CRYZL1: variants seen among roughly 807,000 people sequenced by gnomAD.
CRYZL1 encodes crystallin zeta like 1, also known as ferry endosomal RAB5 effector complex subunit 4.
A neutral mutation model predicts 50.6 loss-of-function variants in CRYZL1; 34 were observed. That is an observed-to-expected ratio of 0.67 (90% confidence interval 0.51 to 0.89). CRYZL1 has a LOEUF of 0.89. Among genes scored for constraint, CRYZL1 ranks in the 40% least tolerant of loss-of-function variants. CRYZL1 has a pLI of 0.00. For synonymous variants in CRYZL1, 125 were observed against 134.3 expected (o/e 0.93, Z 0.48); for missense variants, 354 against 402.3 (o/e 0.88, Z 1.03).
chr21:33,593,308 A>G (rs909350469), intron 11 of CRYZL1, among the ~76,000 whole-genome samples: 3 of 152,046 alleles, frequency 2.0e-5, no homozygotes, highest in East Asian at 2.0e-4. Context: ...GGGTTTCACC[A>G]TGTTCGCCAG....
At chr21:33,605,427 G>A (rs912829775) in intron 6 of CRYZL1, among the ~76,000 whole-genome samples, 4 of 151,554 alleles carry the variant, frequency 2.6e-5, no homozygotes, top group East Asian at 1.9e-4. Flanking sequence ...AAAAAGTTCC[G>A]CATGATCTGA....
At chr21:33,613,437 TACA>T in intron 6 of CRYZL1, 98 bp downstream of exon 6, 2 of 792,288 alleles carry the variant, frequency 2.5e-6, no homozygotes, top group African/African-American at 1.7e-5. Context: ...CTTTATTAAG[TACA>T]ACACTTATGG....
At chr21:33,599,011 T>A (rs562078180) in intron 9 of CRYZL1, 139 bp downstream of exon 9, 10 of 700,320 alleles carry the variant, frequency 1.4e-5, no homozygotes, top group South Asian at 3.9e-5. Flanking sequence ...AATTAAAAAG[T>A]CTTCAGTTAA....
At chr21:33,592,762 C>A (rs1158258210) in intron 11 of CRYZL1, among the ~76,000 whole-genome samples, 1 of 151,976 alleles carries the variant, frequency 6.6e-6, no homozygotes, top group Non-Finnish European at 1.5e-5. Context: ...TTAGAAAATG[C>A]AAATTAGGGC....
chr21:33,627,490 C>T (rs1207426774), intron 2 of CRYZL1, among the ~76,000 whole-genome samples: 1 of 152,140 alleles, frequency 6.6e-6, no homozygotes, highest in East Asian at 1.9e-4. Flanking sequence ...TACTGATTTA[C>T]ATATAACACT....
chr21:33,603,438 GGA>G lies in CRYZL1; in HGVS notation c.429_430del (p.Pro144TrpfsTer24), dbSNP rs760105547. The G allele has an allele frequency of 6.2e-7, 1 of 1,614,118 alleles. No individual in the cohort carries two copies. Among genetic ancestry groups the G allele is most frequent in the Non-Finnish European group, 8.5e-7 (1 of 1,180,004 alleles). On this transcript the variant is annotated frameshift_variant, in exon 7 of 13. Transcript: ENST00000381554. LOFTEE classifies it high-confidence loss of function. The stretch of plus-strand genomic sequence containing the variant: ...ATCCATTATCAGCACTGATTTTCCA[GGA>G]GAGAGATGAGAAAGATAATGCAGAG...
At chr21:33,610,572 T>C (rs544102872) in intron 6 of CRYZL1, among the ~76,000 whole-genome samples, 1 of 152,266 alleles carries the variant, frequency 6.6e-6, no homozygotes, top group African/African-American at 2.4e-5. Context: ...GATTTATAAA[T>C]AAGGTAGAAG....
At chr21:33,624,405 T>C (rs2087036507) in intron 3 of CRYZL1, among the ~76,000 whole-genome samples, 2 of 152,192 alleles carry the variant, frequency 1.3e-5, no homozygotes, top group African/African-American at 2.4e-5. Flanking sequence ...AAAAATTAGC[T>C]GGGTGTGGTG....
intron 2 of CRYZL1, among the ~76,000 whole-genome samples, chr21:33,625,410 C>A (rs1050510096): frequency 6.6e-6 from 1 of 152,188 alleles, no homozygotes; most frequent in African/African-American, 2.4e-5. Flanking sequence ...CCGCCTCGGC[C>A]TCCCAAAGTG....
chr21:33,611,980 A>G (rs2086877443), intron 6 of CRYZL1, among the ~76,000 whole-genome samples: 1 of 152,134 alleles, frequency 6.6e-6, no homozygotes, highest in African/African-American at 2.4e-5. Flanking sequence ...GCTCTTACTC[A>G]TTTTCACTGC....
intron 10 of CRYZL1, chr21:33,596,202 G>A (rs1172951904): frequency 2.1e-6 from 1 of 486,730 alleles, no homozygotes; most frequent in East Asian, 6.5e-5. Context: ...CTAGAATGCT[G>A]AAAAATATAA....
At chr21:33,638,687 TTATTA>T (rs2087240695) in intron 1 of CRYZL1, among the ~76,000 whole-genome samples, 2 of 152,236 alleles carry the variant, frequency 1.3e-5, no homozygotes, top group Admixed American at 1.3e-4. Flanking sequence ...TTTGTGCCTG[TTATTA>T]TATAAGATGG....
intron 8 of CRYZL1, among the ~76,000 whole-genome samples, chr21:33,600,085 G>T (rs1010844067): frequency 6.6e-6 from 1 of 151,960 alleles, no homozygotes; most frequent in Non-Finnish European, 1.5e-5. Context: ...CCAATAAACC[G>T]ATCGTAACAT....
chr21:33,620,231 T>C (rs1480739427), intron 4 of CRYZL1, among the ~76,000 whole-genome samples: 1 of 152,198 alleles, frequency 6.6e-6, no homozygotes, highest in African/African-American at 2.4e-5. Context: ...CCTTAACACA[T>C]TTATTCATTC....
At chr21:33,615,730 T>C (rs1250990125) in intron 5 of CRYZL1, among the ~76,000 whole-genome samples, 1 of 152,188 alleles carries the variant, frequency 6.6e-6, no homozygotes, top group Non-Finnish European at 1.5e-5. Flanking sequence ...AAAAGCTCTG[T>C]ATGATTTCAG....
At chr21:33,641,392 T>A in intron 1 of CRYZL1, 1 of 1,451,204 alleles carries the variant, frequency 6.9e-7, no homozygotes, top group Non-Finnish European at 9.1e-7. Flanking sequence ...GGAGATTAAG[T>A]GGAAGGGCAC....
intron 6 of CRYZL1, among the ~76,000 whole-genome samples, chr21:33,603,777 A>C (rs1458300330): frequency 6.6e-6 from 1 of 152,246 alleles, no homozygotes; most frequent in Non-Finnish European, 1.5e-5. Flanking sequence ...AAAAGTATGT[A>C]AAATATAAAA....
rs184229251 is a variant in CRYZL1 at position 33,616,839 on chromosome 21, T to C, written c.218-89A>G. ...AAAATACATTTTTAAAATCTGTGGA[T>C]TTGTAAAAAGACTGATTTTGTTTAA... On this transcript the variant is annotated intron_variant, in intron 4 of 12. Coordinates refer to ENST00000381554, the MANE Select transcript of CRYZL1 (RefSeq NM_145858.3). The C allele has an allele frequency of 9.2e-4, 1,118 of 1,210,096 alleles. 3 individuals carry two copies. The highest frequency in any genetic ancestry group is 3.6e-3 in the Middle Eastern group (12 of 3,338). 75.0% of individuals were successfully genotyped at this position (1,210,096 alleles called of 1,614,324 possible). A position where few individuals can be genotyped will look rare whatever the true frequency, so the allele number is the denominator to read the frequency against.
chr21:33,637,186 C>G (rs1307823569), intron 1 of CRYZL1, among the ~76,000 whole-genome samples: 1 of 152,174 alleles, frequency 6.6e-6, no homozygotes, highest in East Asian at 1.9e-4. Flanking sequence ...TGGCTCACGC[C>G]TGTAATCCCA....
Sources: allele counts gnomAD v4.1 joint callset (sites outside exome capture counted in the v4.1 genomes callset), GRCh38; gene constraint gnomAD v4.1.1; transcripts MANE v1.5; gene names NCBI Gene and HGNC (gene_info 2026-07-23, HGNC 2026-07-21).